The following TACC1 variants were observed in gnomAD, a reference collection of about 807,000 sequenced individuals.
The protein encoded by TACC1 is transforming acidic coiled-coil-containing protein 1.
Under a neutral mutation model 84.4 loss-of-function variants are expected in TACC1, and 48 were observed. The observed-to-expected ratio is 0.57, with a 90% confidence interval of 0.45 to 0.72. TACC1 has a LOEUF of 0.72. Ranked by LOEUF, TACC1 falls within the 30% of genes least tolerant of loss-of-function variation. The pLI, the probability that TACC1 is intolerant of heterozygous loss-of-function variation, is 0.00. For synonymous variants in TACC1, 372 were observed against 376.3 expected (o/e 0.99, Z 0.13); for missense variants, 920 against 973.0 (o/e 0.95, Z 0.72).
Position 38,802,552 on chromosome 8 carries a change from G to T in TACC1, c.277+13733G>T, listed in dbSNP as rs145221980. 3.1e-3 allele frequency among the ~76,000 whole-genome samples: 479 copies of T among 152,192 alleles called. 3 individuals are homozygous for T. The highest frequency in any genetic ancestry group is 0.011 in the African/African-American group (459 of 41,522). On this transcript the variant is annotated intron_variant, in intron 2 of 12. Transcript: ENST00000317827. ...TGGAAAAATTGTCTTCCATGAAACC[G>T]GTCCCTGGTGCCAAAAAGGTTGGGG...
rs10111612 is a variant in TACC1, at chr8:38,820,389, C to T, written c.1145C>T (p.Ser382Phe). The change falls in exon 3 of 13, where the codon TCC becomes TTC. Residue 382 changes from serine (S) to phenylalanine (F), a missense_variant. Ser to Phe is a radical substitution (Grantham distance 155). This residue lies in a region of TACC1 where 762 missense variants were observed against 747.3 expected (regional missense o/e 1.02). Transcript: ENST00000317827. ...ARDGPLSQTS[S>F]KPDPSQWESP... ...GACGGGCCTCTCTCCCAAACATCTT[C>T]CAAGCCAGATCCTAGTCAGTGGGAA... 3.4e-4 allele frequency: 544 copies of T among 1,614,152 alleles called. 4 individuals are homozygous for T. The African/African-American group carries it at 6.7e-3, about 20-fold the overall frequency.
At chr8:38,837,143 A>G (rs1203181546) in intron 7 of TACC1, among the ~76,000 whole-genome samples, 9 of 143,518 alleles carry the variant, frequency 6.3e-5, no homozygotes, top group Admixed American at 5.0e-4. Flanking sequence ...ATCTTGGCGC[A>G]GTAGCTCATG....
intron 3 of TACC1, among the ~76,000 whole-genome samples, chr8:38,763,823 T>C (rs1010046111): frequency 3.3e-5 from 5 of 152,246 alleles, no homozygotes; most frequent in Admixed American, 3.3e-4. Flanking sequence ...TTTTTCTACA[T>C]GTTTGATATT....
chr8:38,740,099 G>A (rs567404825), intron 1 of TACC1, among the ~76,000 whole-genome samples: 2 of 152,168 alleles, frequency 1.3e-5, no homozygotes, highest in Non-Finnish European at 2.9e-5. Flanking sequence ...CTTTCTTGGC[G>A]AGAGATCTGA....
chr8:38,830,692 G>C (rs1011236175), intron 5 of TACC1, among the ~76,000 whole-genome samples: 2 of 152,184 alleles, frequency 1.3e-5, no homozygotes, highest in Admixed American at 1.3e-4. Flanking sequence ...GAATTTTAAA[G>C]CTTATTATCT....
intron 2 of TACC1, among the ~76,000 whole-genome samples, chr8:38,811,310 C>G (rs1282676968): frequency 6.6e-6 from 1 of 151,958 alleles, no homozygotes; most frequent in Non-Finnish European, 1.5e-5. Context: ...CACTAGTCTT[C>G]TAGTTTCAAA....
At chr8:38,792,905 G>T (rs1022955467) in intron 2 of TACC1, among the ~76,000 whole-genome samples, 13 of 152,134 alleles carry the variant, frequency 8.5e-5, no homozygotes, top group African/African-American at 3.1e-4. Flanking sequence ...TGGCTTTTGT[G>T]TTTGCATGTG....
At chr8:38,798,887 T>A (rs970875147) in intron 2 of TACC1, among the ~76,000 whole-genome samples, 2 of 152,124 alleles carry the variant, frequency 1.3e-5, no homozygotes, top group Non-Finnish European at 2.9e-5. Context: ...ATAAATTGTG[T>A]ACTTCTCCAT....
intron 3 of TACC1, among the ~76,000 whole-genome samples, chr8:38,821,658 G>A (rs2152221266): frequency 6.6e-6 from 1 of 152,338 alleles, no homozygotes; most frequent in Middle Eastern, 3.4e-3. Context: ...GGTGTTTTCA[G>A]TGTAATTACC....
intron 5 of TACC1, among the ~76,000 whole-genome samples, chr8:38,829,770 A>C (rs1318048870): frequency 6.6e-6 from 1 of 152,170 alleles, no homozygotes; most frequent in South Asian, 2.1e-4. Context: ...CAAAGTTAGC[A>C]AACAGCAAGG....
intron 2 of TACC1, among the ~76,000 whole-genome samples, chr8:38,799,251 G>C (rs1179953581): frequency 6.6e-6 from 1 of 152,260 alleles, no homozygotes. Flanking sequence ...CGTTAGCCTA[G>C]AGCTGAGCTG....
At chr8:38,786,828 ATTT>A (rs71216687), upstream of TACC1, among the ~76,000 whole-genome samples, 10 of 147,900 alleles carry the variant, frequency 6.8e-5, no homozygotes, top group African/African-American at 9.9e-5. Flanking sequence ...GAAGGTTTGT[ATTT>A]TTTTTTTTTT....
chr8:38,733,645 G>C (rs1053789497), intron 1 of TACC1, among the ~76,000 whole-genome samples: 1 of 151,992 alleles, frequency 6.6e-6, no homozygotes, highest in African/African-American at 2.4e-5. Context: ...GACAGCACCC[G>C]GCAGCAGTAG....
rs1832888958 is a variant in TACC1, at chr8:38,850,107, C to T, written c.*2084C>T. Reference sequence around the variant, plus strand: ...AAGCTTATTGTGTTTAAGAAAGTAGCTATGTGTTAAACAGAGGTGATGGCA... The same window carrying T: ...AAGCTTATTGTGTTTAAGAAAGTAGTTATGTGTTAAACAGAGGTGATGGCA... On this transcript the variant is annotated 3_prime_UTR_variant, in exon 13 of 13. Transcript: ENST00000317827. 2.6e-5 allele frequency: 4 copies of T among 152,584 alleles called. No homozygotes were observed. In the South Asian group the frequency reaches 8.3e-4, roughly 32 times the overall value. The allele number at this position is 152,584 out of a possible 1,614,324, so 9.5% of individuals were successfully genotyped here.
chr8:38,787,466 C>T lies in TACC1; in HGVS notation c.-117C>T, dbSNP rs557513818. On this transcript the variant is annotated 5_prime_UTR_variant, in exon 1 of 13. Transcript: ENST00000317827. Reference sequence around the variant, plus strand: ...CGGCACTCGTTTAACCACATCCGCGCCTCTGCTGGAAACGCTTGCTGGCGC... The same window carrying T: ...CGGCACTCGTTTAACCACATCCGCGTCTCTGCTGGAAACGCTTGCTGGCGC... The T allele has an allele frequency of 2.2e-6, 3 of 1,392,200 alleles. No individual in the cohort carries two copies. The highest frequency in any genetic ancestry group is 3.1e-5 in the African/African-American group (2 of 65,510). 86.2% of individuals were successfully genotyped at this position (1,392,200 alleles called of 1,614,324 possible).
At chr8:38,789,932 G>A (rs1331242584) in intron 2 of TACC1, among the ~76,000 whole-genome samples, 3 of 152,240 alleles carry the variant, frequency 2.0e-5, no homozygotes, top group Non-Finnish European at 2.9e-5. Context: ...TTGGTTTTCA[G>A]TAAGGTGGAA....
chr8:38,756,967 G>A (rs1563286796), intron 3 of TACC1, among the ~76,000 whole-genome samples: 1 of 152,102 alleles, frequency 6.6e-6, no homozygotes, highest in Non-Finnish European at 1.5e-5. Flanking sequence ...TCCGCGGATC[G>A]CGGAGTCCCG....
At chr8:38,836,492 A>G (rs867667638) in intron 7 of TACC1, among the ~76,000 whole-genome samples, 2 of 152,276 alleles carry the variant, frequency 1.3e-5, no homozygotes, top group Middle Eastern at 3.4e-3. Flanking sequence ...AATGTTGACA[A>G]TCTGAAATAT....
At chr8:38,777,180 C>T (rs1166303376) in intron 3 of TACC1, among the ~76,000 whole-genome samples, 7 of 150,958 alleles carry the variant, frequency 4.6e-5, no homozygotes, top group Admixed American at 2.0e-4. Context: ...TGCTTGAACC[C>T]GGGAGGCAGA....
Sources: gnomAD v4.1 joint callset for allele counts (sites outside exome capture counted in the v4.1 genomes callset) on GRCh38, gnomAD v4.1.1 for gene constraint, gnomAD v4.1.1 regional missense constraint, MANE v1.5 for transcripts, NCBI Gene and HGNC (gene_info 2026-07-23, HGNC 2026-07-21) for gene names.